APC: variants seen among roughly 807,000 people sequenced by gnomAD.
The protein encoded by APC is adenomatous polyposis coli protein.
A neutral mutation model predicts 247.0 loss-of-function variants in APC; 72 were observed. That is an observed-to-expected ratio of 0.29 (90% confidence interval 0.24 to 0.35). APC has a LOEUF of 0.35. APC is among the 10% of genes least tolerant of loss of function. The pLI, the probability that APC is intolerant of heterozygous loss-of-function variation, is 1.00. For missense variants in APC, 3,400 were observed against 3,360.7 expected, an observed-to-expected ratio of 1.01 and a Z score of -0.29; for synonymous variants, 1,254 against 1,162.5, an observed-to-expected ratio of 1.08 and a Z score of -1.60.
chr5:112,716,518 C>G (rs1257402872), intron 1 of APC, among the ~76,000 whole-genome samples: 1 of 151,832 alleles, frequency 6.6e-6, no homozygotes, highest in South Asian at 2.1e-4. Context: ...TTTTTTTCCT[C>G]TCCATTTATT....
chr5:112,784,781 A>G (rs1758759942), intron 6 of APC, among the ~76,000 whole-genome samples: 1 of 152,182 alleles, frequency 6.6e-6, no homozygotes, highest in Non-Finnish European at 1.5e-5. Flanking sequence ...ATAAGAATAG[A>G]ATGAAAGTTT....
chr5:112,710,708 G>T (rs943759697), intron 1 of APC, among the ~76,000 whole-genome samples: 1 of 152,212 alleles, frequency 6.6e-6, no homozygotes, highest in Admixed American at 6.5e-5. Flanking sequence ...ATAGTAGGAA[G>T]AACATTGACT....
At chr5:112,713,916 C>T (rs1751010894) in intron 1 of APC, among the ~76,000 whole-genome samples, 1 of 152,176 alleles carries the variant, frequency 6.6e-6, no homozygotes, top group Non-Finnish European at 1.5e-5. Context: ...CCTTGGCATC[C>T]CAAAGTGCTG....
chr5:112,732,989 A>T (rs1752171968), upstream of APC, among the ~76,000 whole-genome samples: 1 of 152,250 alleles, frequency 6.6e-6, no homozygotes, highest in Non-Finnish European at 1.5e-5. Flanking sequence ...TAGATGAAGG[A>T]GTAGTCAAGC....
intron 2 of APC, among the ~76,000 whole-genome samples, chr5:112,757,712 A>G (rs1316607462): frequency 6.6e-6 from 1 of 152,168 alleles, no homozygotes; most frequent in African/African-American, 2.4e-5. Context: ...AACAAAACAA[A>G]AAACAGCAAA....
At chr5:112,835,874 A>G (rs995605338) in intron 15 of APC, among the ~76,000 whole-genome samples, 7 of 151,978 alleles carry the variant, frequency 4.6e-5, no homozygotes, top group African/African-American at 1.4e-4. Context: ...CGCCCGGCCA[A>G]TAATCATAAT....
At position 112,794,415 on chromosome 5, in the gene APC, A is replaced by G. The variant is rs112986406; in HGVS notation, c.729+1886A>G. Among the ~76,000 whole-genome samples, 749 of 152,224 alleles carry G rather than the reference A, an allele frequency of 4.9e-3. 8 individuals carry two copies. Among genetic ancestry groups the G allele is most frequent in the African/African-American group, 0.017 (716 of 41,534 alleles). ...CTTTTAAAAGAAAATATGTGCAGCT[A>G]TGTTTTGACCCCAGTTCTTTGACAC... On this transcript the variant is annotated intron_variant, in intron 7 of 15. Coordinates refer to ENST00000257430, the MANE Select transcript of APC (RefSeq NM_000038.6).
At chr5:112,727,178 G>A (rs944363923) in intron 1 of APC, among the ~76,000 whole-genome samples, 1 of 152,000 alleles carries the variant, frequency 6.6e-6, no homozygotes, top group African/African-American at 2.4e-5. Flanking sequence ...AGTAATGCTA[G>A]ATAGATTTTT....
intron 7 of APC, among the ~76,000 whole-genome samples, chr5:112,793,840 CA>C (rs1759913383): frequency 6.6e-6 from 1 of 152,110 alleles, no homozygotes; most frequent in Non-Finnish European, 1.5e-5. Flanking sequence ...CACTAAGACA[CA>C]TCATGAGGAA....
Position 112,843,831 on chromosome 5 carries a change from T to C in APC, c.8237T>C (p.Val2746Ala), listed in dbSNP as rs764348464. The change falls in exon 16 of 16, where the codon GTC (valine) becomes GCC (alanine). Residue 2746 changes from valine to alanine, a missense_variant. Val to Ala is a moderately conservative substitution (Grantham distance 64). This residue lies in a region of APC where 1,788 missense variants were observed against 1,649.5 expected (regional missense o/e 1.08). Coordinates refer to ENST00000257430, the MANE Select transcript of APC (RefSeq NM_000038.6). The surrounding 1 kb of genome is among the most constrained non-coding windows in gnomAD (Gnocchi z 4.8). Reference sequence around the variant, plus strand: ...ATAAAACCAGGACAAAATAATCCTGTCCCTGTATCAGAGACTAATGAAAGT... The same window carrying C: ...ATAAAACCAGGACAAAATAATCCTGCCCCTGTATCAGAGACTAATGAAAGT... ...TEIKPGQNNPVPVSETNESSI... is the reference protein window; with the variant it reads ...TEIKPGQNNPAPVSETNESSI... 2 of 1,614,010 alleles carry C rather than the reference T, an allele frequency of 1.2e-6. No homozygotes were observed. The highest frequency in any genetic ancestry group is 1.7e-6 in the Non-Finnish European group (2 of 1,179,948).
chr5:112,710,138 C>G (rs1750767214), intron 1 of APC, among the ~76,000 whole-genome samples: 1 of 152,074 alleles, frequency 6.6e-6, no homozygotes, highest in South Asian at 2.1e-4. Flanking sequence ...CCTTTCTAGT[C>G]CCCAATCCTA....
chr5:112,709,273 C>T (rs1394972734), intron 1 of APC, among the ~76,000 whole-genome samples: 4 of 152,182 alleles, frequency 2.6e-5, no homozygotes, highest in Non-Finnish European at 5.9e-5. Context: ...TTCATTCTGT[C>T]TCATAACACA....
chr5:112,720,451 A>G (rs759884433), intron 1 of APC, among the ~76,000 whole-genome samples: 9 of 152,194 alleles, frequency 5.9e-5, no homozygotes, highest in African/African-American at 1.9e-4. Flanking sequence ...GTGGACAGAG[A>G]ATTTTAGAAC....
Position 112,707,588 on chromosome 5 carries a change from G to T in APC, c.-130G>T, listed in dbSNP as rs1056513509. On this transcript the variant is annotated 5_prime_UTR_variant, in exon 1 of 14. Coordinates refer to the APC transcript ENST00000507379. ...CGCCGGAAGCCTAGCCGCTGCTCGGGGGGGACCTGCGGGCTCAGGCCCGGG... is the reference window on the plus strand; with the variant it reads ...CGCCGGAAGCCTAGCCGCTGCTCGGTGGGGACCTGCGGGCTCAGGCCCGGG... The T allele has an allele frequency of 1.3e-5, 13 of 1,006,222 alleles. No individual in the cohort carries two copies. The highest frequency in any genetic ancestry group is 5.8e-5 in the South Asian group (4 of 68,522). 62.3% of individuals were successfully genotyped at this position (1,006,222 alleles called of 1,614,324 possible).
rs368308487 is a variant in APC at position 112,807,844 on chromosome 5, A to T, written c.834+6461A>T. Among the ~76,000 whole-genome samples the T allele has an allele frequency of 2.3e-4, 35 of 152,302 alleles. No homozygotes were observed. The South Asian group carries it at 7.0e-3, about 31-fold the overall frequency. On this transcript the variant is annotated intron_variant, in intron 8 of 15. Transcript: ENST00000257430. ...CTGTTTCACTGTGTATTTACAAAAGATAAAAGTACTTATTAAAAATACATA... is the reference window on the plus strand; with the variant it reads ...CTGTTTCACTGTGTATTTACAAAAGTTAAAAGTACTTATTAAAAATACATA...
chr5:112,816,676 C>T (rs916292586), intron 9 of APC, among the ~76,000 whole-genome samples: 3 of 151,340 alleles, frequency 2.0e-5, no homozygotes, highest in African/African-American at 7.3e-5. Context: ...GGCTGTAATC[C>T]CAGCTACTCG....
In APC at chr5:112,843,129, G is replaced by A. The variant is rs1060503315; in HGVS notation, c.7535G>A (p.Ser2512Asn). The A allele has an allele frequency of 6.2e-7, 1 of 1,613,950 alleles. No individual in the cohort carries two copies. The highest frequency in any genetic ancestry group is 1.1e-5 in the South Asian group (1 of 91,086). Reference protein sequence around the residue: ...GGWRKLPPNLSPTIEYNDGRP... With the variant: ...GGWRKLPPNLNPTIEYNDGRP... ...TGGCGAAAACTCCCACCTAATCTCA[G>A]TCCCACTATAGAGTATAATGATGGA... is the stretch of plus-strand genomic sequence containing the variant. The change falls in exon 16 of 16, where the codon AGT becomes AAT. Residue 2512 changes from serine (S) to asparagine (N), a missense_variant. Physicochemically the swap from Ser to Asn is conservative, Grantham distance 46. Coordinates refer to ENST00000257430, the MANE Select transcript of APC (RefSeq NM_000038.6). This position sits in a 1 kb window ranked among gnomAD's most constrained non-coding sequence, Gnocchi z 4.8.
chr5:112,840,628 G>A lies in APC; in HGVS notation c.5034G>A (p.Gly1678=), dbSNP rs42427. The part of the protein sequence containing the change: ...ELAAGEGVRG[G]AQSGEFEKRD... ...CTGCTGGAGAAGGAGTTAGAGGAGG[G>A]GCACAGTCAGGTGAATTTGAAAAAC... Residue 1678 remains glycine, a synonymous_variant, in exon 16 of 16, where the codon GGG becomes GGA. Transcript: ENST00000257430. This position sits in a 1 kb window ranked among gnomAD's most constrained non-coding sequence, Gnocchi z 4.1. 1,015,792 of 1,613,474 alleles carry A rather than the reference G, an allele frequency of 0.63. 322,713 individuals are homozygous for A. Among genetic ancestry groups the A allele is most frequent in the East Asian group, 0.84 (37,577 of 44,846 alleles).
At chr5:112,712,405 C>T (rs1224399034) in intron 1 of APC, among the ~76,000 whole-genome samples, 2 of 152,042 alleles carry the variant, frequency 1.3e-5, no homozygotes, top group African/African-American at 4.8e-5. Flanking sequence ...GTTTGTGAGA[C>T]CGACGGGGTT....
Sources: gnomAD v4.1 joint callset for allele counts (sites outside exome capture counted in the v4.1 genomes callset) on GRCh38, gnomAD v4.1.1 for gene constraint, gnomAD v4.1.1 regional missense constraint, Gnocchi (gnomAD v3.1) non-coding constraint, MANE v1.5 for transcripts, NCBI Gene and HGNC (gene_info 2026-07-23, HGNC 2026-07-21) for gene names.